Variants in FNIP1 observed in about 807,000 individuals in gnomAD.
FNIP1 encodes folliculin interacting protein 1.
FNIP1 carries 40 observed loss-of-function variants against 124.5 expected under a neutral mutation model. That is an observed-to-expected ratio of 0.32 (90% confidence interval 0.25 to 0.42). The LOEUF (loss-of-function observed/expected upper bound fraction) is 0.42, where lower values mean the gene tolerates loss of function less well. FNIP1 is among the 10% of genes least tolerant of loss of function. FNIP1 has a pLI of 1.00. For synonymous variants in FNIP1, 472 were observed against 470.6 expected, an observed-to-expected ratio of 1.00 and a Z score of -0.04; for missense variants, 1,176 against 1,403.7, an observed-to-expected ratio of 0.84 and a Z score of 2.59.
intron 1 of FNIP1, among the ~76,000 whole-genome samples, chr5:131,753,958 C>T (rs764592705): frequency 7.9e-5 from 12 of 152,118 alleles, no homozygotes; most frequent in Non-Finnish European, 1.8e-4. Flanking sequence ...GGACTACAGG[C>T]ACATGCCACC....
chr5:131,705,122 G>C (rs975346871), intron 9 of FNIP1, among the ~76,000 whole-genome samples: 5 of 152,086 alleles, frequency 3.3e-5, no homozygotes, highest in Admixed American at 3.3e-4. Context: ...TATGGGCAAA[G>C]GACTTAAATA....
chr5:131,662,815 C>T (rs2149510670), intron 15 of FNIP1, among the ~76,000 whole-genome samples: 1 of 148,026 alleles, frequency 6.8e-6, no homozygotes, highest in African/African-American at 2.5e-5. Context: ...TCTTGGCTCA[C>T]CACAACCTTG....
intron 1 of FNIP1, among the ~76,000 whole-genome samples, chr5:131,750,616 C>CTTTT (rs537818966): frequency 7.2e-6 from 1 of 137,994 alleles, no homozygotes; most frequent in Non-Finnish European, 1.6e-5. Flanking sequence ...TCCCTTCTTT[C>CTTTT]TTTTTTTTTT....
rs150221759 is a variant in FNIP1, at chr5:131,760,358, T to G, written c.93-15668A>C. Reference sequence around the variant, plus strand: ...AACACTAGTTTGTATCTCAATACATTAAAAATTGTCACCTATAAGGAAAAT... The same window carrying G: ...AACACTAGTTTGTATCTCAATACATGAAAAATTGTCACCTATAAGGAAAAT... On this transcript the variant is annotated intron_variant, in intron 1 of 17. Transcript: ENST00000510461. 6.2e-4 allele frequency among the ~76,000 whole-genome samples: 94 copies of G among 152,330 alleles called. 1 individual carries two copies. Among genetic ancestry groups the G allele is most frequent in the African/African-American group, 2.2e-3 (92 of 41,582 alleles).
chr5:131,782,430 G>A (rs1353889570), intron 1 of FNIP1, among the ~76,000 whole-genome samples: 1 of 151,924 alleles, frequency 6.6e-6, no homozygotes, highest in African/African-American at 2.4e-5. Context: ...AAAATTGGCC[G>A]GGTGTGGCAG....
intron 3 of FNIP1, among the ~76,000 whole-genome samples, chr5:131,720,042 A>T (rs1182538668): frequency 6.6e-6 from 1 of 152,206 alleles, no homozygotes; most frequent in East Asian, 1.9e-4. Context: ...AGCAGCAGCC[A>T]AATCAACCTT....
At chr5:131,652,124 T>C in intron 15 of FNIP1, 125 bp from the exon 16 acceptor site, 5 of 767,916 alleles carry the variant, frequency 6.5e-6, no homozygotes, top group South Asian at 3.8e-5. Flanking sequence ...TATTTCAATA[T>C]CTCCTTGACC....
intron 1 of FNIP1, among the ~76,000 whole-genome samples, chr5:131,782,462 A>G (rs1386335106): frequency 6.6e-6 from 1 of 152,102 alleles, no homozygotes; most frequent in African/African-American, 2.4e-5. Context: ...TCAGCTACTC[A>G]GGAGGCTGAC....
At chr5:131,783,665 G>A (rs1390884227) in intron 1 of FNIP1, among the ~76,000 whole-genome samples, 1 of 151,990 alleles carries the variant, frequency 6.6e-6, no homozygotes, top group Non-Finnish European at 1.5e-5. Flanking sequence ...TGAAATTTCA[G>A]AATGAAGGTA....
At chr5:131,784,875 C>T (rs1224797009) in intron 1 of FNIP1, among the ~76,000 whole-genome samples, 2 of 146,430 alleles carry the variant, frequency 1.4e-5, no homozygotes, top group Non-Finnish European at 3.0e-5. Flanking sequence ...AAAAAAAAAA[C>T]AGCAAAAGTA....
intron 11 of FNIP1, among the ~76,000 whole-genome samples, chr5:131,693,931 C>G (rs993694444): frequency 7.9e-5 from 12 of 151,996 alleles, no homozygotes; most frequent in Non-Finnish European, 1.2e-4. Flanking sequence ...ACAGACACTT[C>G]ACCGAAAAAG....
intron 3 of FNIP1, among the ~76,000 whole-genome samples, chr5:131,729,253 G>GA (rs1769994151): frequency 1.3e-5 from 2 of 152,188 alleles, no homozygotes; most frequent in South Asian, 4.1e-4. Flanking sequence ...CAAAAGGCAG[G>GA]AACATTTAAG....
intron 1 of FNIP1, among the ~76,000 whole-genome samples, chr5:131,789,928 A>G (rs1037573520): frequency 2.6e-5 from 4 of 152,218 alleles, no homozygotes; most frequent in Non-Finnish European, 5.9e-5. Context: ...CCATACACAC[A>G]AACTCATATC....
chr5:131,677,869 G>C lies in FNIP1; in HGVS notation c.1353C>G (p.Phe451Leu). ...GAACTGCAGTAATGAGAGCTGGCAA[G>C]AATCTGAAAACAAAATACATCTGAT... ...FLMENASKNQFLPALITAVLT... is the reference protein window; with the variant it reads ...FLMENASKNQLLPALITAVLT... Residue 451 changes from phenylalanine to leucine, a missense_variant, in exon 13 of 18, where the codon TTC becomes TTG. Coordinates refer to ENST00000510461, the MANE Select transcript of FNIP1 (RefSeq NM_133372.3). The C allele has an allele frequency of 6.2e-7, 1 of 1,612,532 alleles. No individual in the cohort carries two copies. Among genetic ancestry groups the C allele is most frequent in the Non-Finnish European group, 8.5e-7 (1 of 1,179,118 alleles).
At chr5:131,794,229 TAAAAAAAAAAA>T (rs60617618) in intron 1 of FNIP1, among the ~76,000 whole-genome samples, 3 of 48,462 alleles carry the variant, frequency 6.2e-5, no homozygotes, top group African/African-American at 2.2e-4. Context: ...AGACTCCATC[TAAAAAAAAAAA>T]AAAAAAAAAA....
In FNIP1 at chr5:131,737,184, A is replaced by G. The variant is rs577403377; in HGVS notation, c.220-6146T>C. Reference sequence around the variant, plus strand: ...CTTATAGAAGTCCTGTGCTTACATGAGGGATTGTTGTTGACTGCACCTTGT... The same window carrying G: ...CTTATAGAAGTCCTGTGCTTACATGGGGGATTGTTGTTGACTGCACCTTGT... On this transcript the variant is annotated intron_variant, in intron 2 of 17. Transcript: ENST00000510461. Among the ~76,000 whole-genome samples the G allele has an allele frequency of 1.4e-4, 21 of 152,264 alleles. No homozygotes were observed. In the East Asian group the frequency reaches 4.1e-3, roughly 29 times the overall value.
At chr5:131,681,111 G>C (rs1171828803) in intron 11 of FNIP1, among the ~76,000 whole-genome samples, 1 of 152,184 alleles carries the variant, frequency 6.6e-6, no homozygotes, top group East Asian at 1.9e-4. Flanking sequence ...AGATAGGAGA[G>C]AGCAGATATA....
rs1486942671 is a variant in FNIP1 at position 131,716,539 on chromosome 5, C to T, written c.622+26G>A. 2.0e-6 allele frequency: 3 copies of T among 1,474,810 alleles called. No individual in the cohort carries two copies. In the South Asian group the frequency reaches 3.6e-5, roughly 18 times the overall value. The allele number at this position is 1,474,810 out of a possible 1,614,324, so 91.4% of individuals were successfully genotyped here. On this transcript the variant is annotated intron_variant, in intron 6 of 17. Coordinates refer to ENST00000510461, the MANE Select transcript of FNIP1 (RefSeq NM_133372.3). Reference sequence around the variant, plus strand: ...TGTTACCCTGCTAGTATTTTTTAAACTTATAAAATCAAAGGAACCATTTAC... The same window carrying T: ...TGTTACCCTGCTAGTATTTTTTAAATTTATAAAATCAAAGGAACCATTTAC...
At chr5:131,681,529 A>C (rs1487295299) in intron 11 of FNIP1, among the ~76,000 whole-genome samples, 1 of 152,220 alleles carries the variant, frequency 6.6e-6, no homozygotes, top group Non-Finnish European at 1.5e-5. Context: ...GAAAACAGAA[A>C]TAATGCAAAC....
Sources: gnomAD v4.1 joint callset for allele counts (sites outside exome capture counted in the v4.1 genomes callset) on GRCh38, gnomAD v4.1.1 for gene constraint, MANE v1.5 for transcripts, NCBI Gene and HGNC (gene_info 2026-07-23, HGNC 2026-07-21) for gene names.